JAK1: variants seen among roughly 807,000 people sequenced by gnomAD.
The protein encoded by JAK1 is tyrosine-protein kinase JAK1.
A neutral mutation model predicts 136.6 loss-of-function variants in JAK1; 16 were observed. That is an observed-to-expected ratio of 0.12 (90% CI 0.08 to 0.18). The LOEUF is 0.18. Ranked by LOEUF, JAK1 falls within the 10% of genes least tolerant of loss-of-function variation. JAK1 has a pLI of 1.00. For synonymous variants in JAK1, 492 were observed against 519.5 expected (o/e 0.95, Z 0.72); for missense variants, 859 against 1,450.1 (o/e 0.59, Z 6.62).
intron 3 of JAK1, among the ~76,000 whole-genome samples, chr1:64,880,273 T>C (rs1644750714): frequency 6.6e-6 from 1 of 152,242 alleles, no homozygotes; most frequent in South Asian, 2.1e-4. Flanking sequence ...GTTATAGTCT[T>C]TCTTATAAAC....
At chr1:64,864,688 A>C in intron 8 of JAK1, 99 bp downstream of exon 8, 1 of 986,294 alleles carries the variant, frequency 1.0e-6, no homozygotes, top group Non-Finnish European at 1.5e-6. Flanking sequence ...TTTTCTCTTT[A>C]GGACAGGAAC....
chr1:64,899,585 T>C (rs1193807626), intron 1 of JAK1, among the ~76,000 whole-genome samples: 3 of 152,194 alleles, frequency 2.0e-5, no homozygotes, highest in Non-Finnish European at 4.4e-5. Flanking sequence ...CTCCAAAATA[T>C]GACTTTTTGA....
Position 64,845,004 on chromosome 1 carries a change from C to G in JAK1, c.2116-115G>C, listed in dbSNP as rs530885294. ...CCAGCTACAGCCAGATCTGGACAGC[C>G]TGGCCCTGCTGCCAATCATCTGTGT... is the stretch of plus-strand genomic sequence containing the variant. On this transcript the variant is annotated intron_variant, in intron 15 of 24. Coordinates refer to ENST00000342505, the MANE Select transcript of JAK1 (RefSeq NM_002227.4). 3 of 1,375,740 alleles carry G rather than the reference C, an allele frequency of 2.2e-6. No homozygotes were observed. The African/African-American group carries it at 4.3e-5, about 20-fold the overall frequency. 85.2% of individuals were successfully genotyped at this position (1,375,740 alleles called of 1,614,324 possible).
At chr1:64,868,413 G>A (rs1656844187) in intron 6 of JAK1, among the ~76,000 whole-genome samples, 1 of 152,062 alleles carries the variant, frequency 6.6e-6, no homozygotes, top group Non-Finnish European at 1.5e-5. Context: ...CTCAACAAAT[G>A]TTATTTTTCT....
At chr1:64,913,710 AGGG>A (rs1645338500) in intron 1 of JAK1, among the ~76,000 whole-genome samples, 4 of 12,540 alleles carry the variant, frequency 3.2e-4, no homozygotes, top group African/African-American at 7.6e-4. Flanking sequence ...GAAAGAAGGG[AGGG>A]AGGGAGGGAG....
chr1:65,018,960 A>G (rs887243962), intron 2 of JAK1, among the ~76,000 whole-genome samples: 2 of 152,178 alleles, frequency 1.3e-5, no homozygotes, highest in African/African-American at 2.4e-5. Context: ...GCAGTGAGCC[A>G]AGATCGCGCC....
intron 2 of JAK1, among the ~76,000 whole-genome samples, chr1:65,005,519 T>C (rs574768470): frequency 2.6e-5 from 4 of 152,252 alleles, no homozygotes; most frequent in South Asian, 4.1e-4. Flanking sequence ...TTAATGTATT[T>C]TTTTCCAAGA....
At chr1:64,956,720 T>C (rs1045082358) in intron 1 of JAK1, among the ~76,000 whole-genome samples, 3 of 152,074 alleles carry the variant, frequency 2.0e-5, no homozygotes, top group African/African-American at 7.2e-5. Flanking sequence ...CAACCAGTAT[T>C]TGGGGGAGGT....
chr1:65,037,246 G>A (rs188360088), intron 2 of JAK1, among the ~76,000 whole-genome samples: 1 of 152,234 alleles, frequency 6.6e-6, no homozygotes, highest in Admixed American at 6.5e-5. Flanking sequence ...CAAAAGCTGT[G>A]ATGGTAGGAA....
At chr1:64,909,657 C>A (rs1488271432) in intron 1 of JAK1, among the ~76,000 whole-genome samples, 25 of 138,960 alleles carry the variant, frequency 1.8e-4, no homozygotes, top group African/African-American at 2.7e-4. Context: ...CCCCTCTCTC[C>A]AAAAAAAAAA....
intron 8 of JAK1, among the ~76,000 whole-genome samples, chr1:64,860,717 T>C (rs1656250489): frequency 6.6e-6 from 1 of 152,092 alleles, no homozygotes; most frequent in Admixed American, 6.5e-5. Context: ...CCTCCCAAAG[T>C]GCTGGGATTA....
chr1:65,066,330 CA>C (rs1648040368), intron 1 of JAK1, among the ~76,000 whole-genome samples: 1 of 152,180 alleles, frequency 6.6e-6, no homozygotes, highest in Non-Finnish European at 1.5e-5. Flanking sequence ...TACAGCAAAG[CA>C]CCCCTCTCCC....
chr1:65,032,522 C>CA lies in JAK1; in HGVS notation c.-78+11957dup, dbSNP rs895853972. Among the ~76,000 whole-genome samples, 16 of 151,478 alleles carry CA rather than the reference C, an allele frequency of 1.1e-4. No homozygotes were observed. The East Asian group carries it at 2.1e-3, about 20-fold the overall frequency. On this transcript the variant is annotated intron_variant, in intron 2 of 25. Transcript: ENST00000671954. The stretch of plus-strand genomic sequence containing the variant: ...ATATGCAAAACAACAACAACAACAA[C>CA]AAAAAAAACAGGCTAAAGGAAATAC...
chr1:65,047,679 A>C (rs1647198468), intron 1 of JAK1, among the ~76,000 whole-genome samples: 1 of 151,936 alleles, frequency 6.6e-6, no homozygotes. Flanking sequence ...AGATCACGCC[A>C]CTGCACTCCA....
chr1:65,003,512 G>T (rs1237708149), intron 2 of JAK1: 1 of 152,174 alleles, frequency 6.6e-6, no homozygotes, highest in African/African-American at 2.4e-5. Context: ...AACAATGATT[G>T]TGCTTAGTAG....
At chr1:64,932,087 A>G (rs1215291551) in intron 1 of JAK1, among the ~76,000 whole-genome samples, 8 of 150,982 alleles carry the variant, frequency 5.3e-5, no homozygotes, top group Non-Finnish European at 1.2e-4. Context: ...CGCTCATACC[A>G]ACACTGTGAG....
intron 2 of JAK1, among the ~76,000 whole-genome samples, chr1:65,035,057 A>AAAAT (rs35499348): frequency 0.14 from 20,212 of 149,508 alleles, 1,422 homozygotes; most frequent in Admixed American, 0.2. Flanking sequence ...ACTCCATCTC[A>AAAAT]AAATAAATAA....
chr1:64,966,018 G>C (rs538915344), intron 1 of JAK1, among the ~76,000 whole-genome samples: 3 of 151,952 alleles, frequency 2.0e-5, no homozygotes, highest in Non-Finnish European at 2.9e-5. Flanking sequence ...ATGTCAGACA[G>C]CGCGCTCCGG....
intron 2 of JAK1, among the ~76,000 whole-genome samples, chr1:64,996,053 T>TC (rs1285318933): frequency 6.6e-6 from 1 of 152,178 alleles, no homozygotes; most frequent in Non-Finnish European, 1.5e-5. Flanking sequence ...GACATTGGGC[T>TC]CTTTTTTTTT....
Sources: allele counts gnomAD v4.1 joint callset (sites outside exome capture counted in the v4.1 genomes callset), GRCh38; gene constraint gnomAD v4.1.1; transcripts MANE v1.5; gene names NCBI Gene and HGNC (gene_info 2026-07-23, HGNC 2026-07-21).